Variants in CUBN observed in about 807,000 individuals in gnomAD.
The protein encoded by CUBN is 460 kDa receptor.
Under a neutral mutation model 405.3 loss-of-function variants are expected in CUBN, and 282 were observed. The observed-to-expected ratio is 0.70, with a 90% CI of 0.63 to 0.77. The LOEUF (loss-of-function observed/expected upper bound fraction) is 0.77, where lower values mean the gene tolerates loss of function less well. Among genes scored for constraint, CUBN ranks in the 30% least tolerant of loss-of-function variants. The pLI, the probability that CUBN is intolerant of heterozygous loss-of-function variation, is 0.00. For missense variants in CUBN, 4,514 were observed against 4,475.2 expected, an observed-to-expected ratio of 1.01 and a Z score of -0.25; for synonymous variants, 1,684 against 1,617.0, an observed-to-expected ratio of 1.04 and a Z score of -0.99.
chr10:16,878,208 A>G (rs1840568626), intron 56 of CUBN, among the ~76,000 whole-genome samples: 4 of 152,176 alleles, frequency 2.6e-5, no homozygotes, highest in Admixed American at 2.6e-4. Flanking sequence ...GAATCGCTTG[A>G]ACCTGGAAGG....
chr10:16,906,000 G>A (rs1293379988), intron 50 of CUBN, among the ~76,000 whole-genome samples: 1 of 152,098 alleles, frequency 6.6e-6, no homozygotes, highest in East Asian at 1.9e-4. Flanking sequence ...TGTAGTCCAA[G>A]CCACTTGGGG....
chr10:16,927,979 A>G (rs1462421793), intron 41 of CUBN, among the ~76,000 whole-genome samples, 178 bp downstream of exon 41: 1 of 152,150 alleles, frequency 6.6e-6, no homozygotes, highest in Non-Finnish European at 1.5e-5. Flanking sequence ...AGTGCTTTGG[A>G]TGAGGACTCA....
intron 19 of CUBN, among the ~76,000 whole-genome samples, chr10:17,071,102 T>A (rs1835728256): frequency 6.6e-6 from 1 of 152,198 alleles, no homozygotes; most frequent in Non-Finnish European, 1.5e-5. Context: ...TCCAGCAAAA[T>A]CCAGATCTCA....
At chr10:17,087,472 C>CTTTGTTTTTTTTTTTTTTTTTTTTTTT (rs1202786680) in intron 15 of CUBN, among the ~76,000 whole-genome samples, 1 of 71,712 alleles carries the variant, frequency 1.4e-5, no homozygotes, top group African/African-American at 4.7e-5. Flanking sequence ...TTTTCTTTTT[C>CTTTGTTTTTTTTTTTTTTTTTTTTTTT]TTTTTTTTTT....
chr10:17,091,797 G>A (rs1385117746), intron 14 of CUBN, among the ~76,000 whole-genome samples: 1 of 152,156 alleles, frequency 6.6e-6, no homozygotes, highest in Non-Finnish European at 1.5e-5. Context: ...ATAAGCACCA[G>A]TTTACAAACA....
At chr10:17,053,353 A>G (rs372618810) in intron 22 of CUBN, among the ~76,000 whole-genome samples, 2 of 152,140 alleles carry the variant, frequency 1.3e-5, no homozygotes, top group South Asian at 4.2e-4. Context: ...TATAATGGTG[A>G]AACTAAGTTG....
chr10:16,914,426 G>T (rs1247565933), intron 47 of CUBN, among the ~76,000 whole-genome samples: 1 of 152,064 alleles, frequency 6.6e-6, no homozygotes, highest in Non-Finnish European at 1.5e-5. Context: ...GGGCGTCGTG[G>T]CGTGCGCCTG....
At chr10:17,094,829 T>C (rs947270819) in intron 14 of CUBN, among the ~76,000 whole-genome samples, 1 of 152,008 alleles carries the variant, frequency 6.6e-6, no homozygotes, top group Non-Finnish European at 1.5e-5. Flanking sequence ...TTCAATGCCA[T>C]CTCTAACAGA....
At position 16,839,097 on chromosome 10, in the gene CUBN, T is replaced by C. The variant is rs141214492; in HGVS notation, c.10032+1233A>G. The stretch of plus-strand genomic sequence containing the variant: ...CTAACTAGAGGTATTTCTCCAAGCA[T>C]GGTCCATGGAGTTCTGGTACTGGCA... On this transcript the variant is annotated intron_variant, in intron 62 of 66. Transcript: ENST00000377833. Among the ~76,000 whole-genome samples the C allele has an allele frequency of 8.9e-3, 1,354 of 152,314 alleles. 22 individuals are homozygous for C. The highest frequency in any genetic ancestry group is 0.03 in the African/African-American group (1,254 of 41,574).
chr10:16,891,981 C>T (rs1336947788), intron 54 of CUBN, among the ~76,000 whole-genome samples: 3 of 152,212 alleles, frequency 2.0e-5, no homozygotes, highest in African/African-American at 4.8e-5. Context: ...GACTATTCAA[C>T]ATTTTCTTCA....
At chr10:16,837,769 C>A (rs1397386089) in intron 62 of CUBN, among the ~76,000 whole-genome samples, 2 of 152,156 alleles carry the variant, frequency 1.3e-5, no homozygotes, top group Non-Finnish European at 2.9e-5. Context: ...CAATGTTTGT[C>A]TTTCCTCCCT....
In CUBN at chr10:16,869,853, C is replaced by A. The variant is rs1157964243; in HGVS notation, c.9237G>T (p.Lys3079Asn). The change falls in exon 59 of 67, where the codon AAG (lysine) becomes AAT (asparagine). Residue 3079 changes from lysine (K) to asparagine (N), a missense_variant and splice_region_variant. Lys to Asn is a moderately conservative substitution (Grantham distance 94). Around this residue, in one of 5 missense-constraint regions of CUBN, gnomAD observed 1,186 missense variants for 1,186.9 expected, o/e 1.00. Coordinates refer to ENST00000377833, the MANE Select transcript of CUBN (RefSeq NM_001081.4). ...TVSDDKVIEL[K>N]FSDFDVVPST... Reference sequence around the variant, plus strand: ...AGGGAACCACATCAAAATCACTGAACCTGTGAAATGTACCTTGTTAATACT... The same window carrying A: ...AGGGAACCACATCAAAATCACTGAAACTGTGAAATGTACCTTGTTAATACT... 4 of 1,599,842 alleles carry A rather than the reference C, an allele frequency of 2.5e-6. No homozygotes were observed. The African/African-American group carries it at 5.4e-5, about 21-fold the overall frequency.
intron 59 of CUBN, among the ~76,000 whole-genome samples, chr10:16,858,575 G>A (rs1839929741): frequency 6.6e-6 from 1 of 152,150 alleles, no homozygotes; most frequent in Non-Finnish European, 1.5e-5. Flanking sequence ...TCCCACCTTG[G>A]TCTCCCAAAG....
chr10:16,840,250 G>A, intron 62 of CUBN, 80 bp downstream of exon 62: 2 of 1,219,498 alleles, frequency 1.6e-6, no homozygotes, highest in Non-Finnish European at 2.4e-6. Flanking sequence ...ATTTCATCAT[G>A]GCTTCATTAC....
chr10:17,000,735 T>A (rs977555567), intron 28 of CUBN, among the ~76,000 whole-genome samples: 2 of 152,374 alleles, frequency 1.3e-5, no homozygotes, highest in African/African-American at 4.8e-5. Context: ...CTGAGTTTTG[T>A]GTTCTGATTC....
chr10:16,951,198 T>C (rs1842913258), intron 33 of CUBN, among the ~76,000 whole-genome samples: 1 of 152,186 alleles, frequency 6.6e-6, no homozygotes. Context: ...CTTCTTTATC[T>C]ACAGCTCAGT....
chr10:16,925,859 T>G, intron 41 of CUBN, 85 bp from the exon 42 acceptor site: 2 of 1,230,964 alleles, frequency 1.6e-6, no homozygotes, highest in Non-Finnish European at 2.4e-6. Flanking sequence ...TGGGGGGTTT[T>G]CAAAGTGGAG....
At chr10:17,038,359 G>A (rs570097884) in intron 27 of CUBN, among the ~76,000 whole-genome samples, 6 of 152,208 alleles carry the variant, frequency 3.9e-5, no homozygotes, top group Non-Finnish European at 7.4e-5. Flanking sequence ...ATGTTTGCAC[G>A]GGCAAATGGT....
intron 40 of CUBN, among the ~76,000 whole-genome samples, chr10:16,930,386 C>T (rs1268622451): frequency 2.0e-5 from 3 of 152,174 alleles, no homozygotes; most frequent in African/African-American, 7.2e-5. Context: ...ACAGGAGTTA[C>T]AAGCCACTTT....
Sources: gnomAD v4.1 joint callset for allele counts (sites outside exome capture counted in the v4.1 genomes callset) on GRCh38, gnomAD v4.1.1 for gene constraint, gnomAD v4.1.1 regional missense constraint, MANE v1.5 for transcripts, NCBI Gene and HGNC (gene_info 2026-07-23, HGNC 2026-07-21) for gene names.